Variants in CD300E observed in about 807,000 individuals in gnomAD.
The protein encoded by CD300E is CMRF35-like molecule 2.
A neutral mutation model predicts 20.9 loss-of-function variants in CD300E; 14 were observed. The observed-to-expected ratio is 0.67, with a 90% confidence interval of 0.44 to 1.05. The LOEUF (loss-of-function observed/expected upper bound fraction) is 1.05. Among genes scored for constraint, CD300E ranks in the 50% least tolerant of loss-of-function variants. The pLI, the probability that CD300E is intolerant of heterozygous loss-of-function variation, is 0.00. For synonymous variants in CD300E, 102 were observed against 103.7 expected (o/e 0.98, Z 0.10); for missense variants, 237 against 253.9 (o/e 0.93, Z 0.45).
At chr17:74,623,539 GCC>G in intron 1 of CD300E, 41 bp downstream of exon 1, 5 of 1,606,748 alleles carry the variant, frequency 3.1e-6, no homozygotes, top group Non-Finnish European at 4.3e-6. Flanking sequence ...CTACTGTCCT[GCC>G]CCCTGCAAAA....
At chr17:74,616,091 G>T (rs558764950) in intron 2 of CD300E, among the ~76,000 whole-genome samples, 23 of 152,092 alleles carry the variant, frequency 1.5e-4, no homozygotes, top group Non-Finnish European at 1.3e-4. Context: ...CTCAATAAAA[G>T]AAAAAAGAAA....
At chr17:74,621,303 G>C (rs2031016698) in intron 1 of CD300E, among the ~76,000 whole-genome samples, 1 of 152,168 alleles carries the variant, frequency 6.6e-6, no homozygotes, top group African/African-American at 2.4e-5. Context: ...CTAGTTCATG[G>C]ATTGGCCAGT....
In CD300E at chr17:74,612,018, A is replaced by T. The variant is rs1434476519; in HGVS notation, c.*635T>A. 5 of 152,346 alleles carry T rather than the reference A, an allele frequency of 3.3e-5. No homozygotes were observed. The highest frequency in any genetic ancestry group is 7.3e-5 in the Non-Finnish European group (5 of 68,162). 9.4% of individuals were successfully genotyped at this position (152,346 alleles called of 1,614,324 possible). On this transcript the variant is annotated 3_prime_UTR_variant, in exon 4 of 4. Transcript: ENST00000392619. ...AGCTCCCTTGGGGTTGTCCCAGAGA[A>T]GAGATGGAGCTCTGTGAGCCTAAAG...
Position 74,617,339 on chromosome 17 carries a change from G to A in CD300E, c.167C>T (p.Thr56Met), listed in dbSNP as rs780393497. Residue 56 changes from threonine (T) to methionine (M), a missense_variant, in exon 2 of 4, where the codon ACG becomes ATG. By Grantham distance (81) the Thr-to-Met change is moderately conservative (BLOSUM62 -1). Coordinates refer to ENST00000392619, the MANE Select transcript of CD300E (RefSeq NM_181449.3). ...GGTCTCCACAATGCTCTCACATGAC[G>A]TGTCGTACTGTCCTCGGCACCAGTA... Reference protein sequence around the residue: ...NKYWCRGQYDTSCESIVETKG... With the variant: ...NKYWCRGQYDMSCESIVETKG... The A allele has an allele frequency of 1.7e-5, 27 of 1,614,006 alleles. No individual in the cohort carries two copies. In the Admixed American group the frequency reaches 2.5e-4, roughly 15 times the overall value.
At chr17:74,613,534 C>A (rs8075293) in intron 3 of CD300E, among the ~76,000 whole-genome samples, 47,865 of 152,070 alleles carry the variant, frequency 0.31, 8,643 homozygotes, top group Non-Finnish European at 0.41. Flanking sequence ...GCTGGCCCAT[C>A]TCCCCACAGA....
Position 74,612,689 on chromosome 17 carries a change from C to G in CD300E, c.582G>C (p.Trp194Cys). The change falls in exon 4 of 4, where the codon TGG becomes TGC. Residue 194 changes from tryptophan to cysteine, a missense_variant. By Grantham distance (215) the Trp-to-Cys change is radical. Transcript: ENST00000392619. Reference sequence around the variant, plus strand: ...GAGGAGCCCACTGAGGCCTGTTCACCCAGAAGACAGCACCCAGCATGCTCA... The same window carrying G: ...GAGGAGCCCACTGAGGCCTGTTCACGCAGAAGACAGCACCCAGCATGCTCA... Reference protein sequence around the residue: ...LLLSMLGAVFWVNRPQWAPPG... With the variant: ...LLLSMLGAVFCVNRPQWAPPG... The G allele has an allele frequency of 6.2e-7, 1 of 1,613,884 alleles. No individual in the cohort carries two copies. Among genetic ancestry groups the G allele is most frequent in the Non-Finnish European group, 8.5e-7 (1 of 1,179,980 alleles).
chr17:74,614,221 T>C (rs537891672), intron 2 of CD300E, among the ~76,000 whole-genome samples, 188 bp from the exon 3 acceptor site: 1 of 152,094 alleles, frequency 6.6e-6, no homozygotes, highest in African/African-American at 2.4e-5. Flanking sequence ...GAACCAGCCA[T>C]GAGAGTCCCC....
At position 74,612,525 on chromosome 17, in the gene CD300E, C is replaced by G. The variant is rs1044553038; in HGVS notation, c.*128G>C. On this transcript the variant is annotated 3_prime_UTR_variant, in exon 4 of 4. Coordinates refer to ENST00000392619, the MANE Select transcript of CD300E (RefSeq NM_181449.3). ...GTGTCCTCTAAGAGCCAGGACCCTCCTTTGAGGCACAGGAACAATAAATCC... is the reference window on the plus strand; with the variant it reads ...GTGTCCTCTAAGAGCCAGGACCCTCGTTTGAGGCACAGGAACAATAAATCC... 4.4e-6 allele frequency: 6 copies of G among 1,352,094 alleles called. No homozygotes were observed. Among genetic ancestry groups the G allele is most frequent in the African/African-American group, 2.9e-5 (2 of 68,664 alleles). The allele number at this position is 1,352,094 out of a possible 1,614,324, so 83.8% of individuals were successfully genotyped here. A position where few individuals can be genotyped will look rare whatever the true frequency, so the allele number is the denominator to read the frequency against.
At chr17:74,622,658 C>T (rs1021893978) in intron 1 of CD300E, among the ~76,000 whole-genome samples, 2 of 152,080 alleles carry the variant, frequency 1.3e-5, no homozygotes, top group East Asian at 3.8e-4. Context: ...TTCTGAAGTC[C>T]AACCTTTGCA....
At chr17:74,617,647 C>A (rs2030933760) in intron 1 of CD300E, among the ~76,000 whole-genome samples, 182 bp from the exon 2 acceptor site, 1 of 152,114 alleles carries the variant, frequency 6.6e-6, no homozygotes, top group African/African-American at 2.4e-5. Flanking sequence ...AAACCTGTCC[C>A]CTGTGAGAGC....
At chr17:74,617,521 C>T (rs1416336858) in intron 1 of CD300E, 56 bp from the exon 2 acceptor site, 10 of 1,459,868 alleles carry the variant, frequency 6.8e-6, no homozygotes, top group African/African-American at 4.2e-5. Context: ...CATCAGCAGC[C>T]GTCTGTCTGA....
In CD300E at chr17:74,610,044, T is replaced by C. The variant is rs1381768358; in HGVS notation, c.*2609A>G. Reference sequence around the variant, plus strand: ...CTGCTGTCTGCCATCTGTCTACTCTTTCTTAACTCTTCTCTTCTGGCTTCT... The same window carrying C: ...CTGCTGTCTGCCATCTGTCTACTCTCTCTTAACTCTTCTCTTCTGGCTTCT... On this transcript the variant is annotated 3_prime_UTR_variant, in exon 4 of 4. Transcript: ENST00000392619. 6.6e-6 allele frequency: 1 copy of C among 152,318 alleles called. No homozygotes were observed. The highest frequency in any genetic ancestry group is 1.5e-5 in the Non-Finnish European group (1 of 68,048). 9.4% of individuals were successfully genotyped at this position (152,318 alleles called of 1,614,324 possible).
At position 74,613,981 on chromosome 17, in the gene CD300E, C is replaced by T; in HGVS notation, c.441G>A (p.Leu147=). The T allele has an allele frequency of 6.2e-7, 1 of 1,614,036 alleles. No homozygotes were observed. Among genetic ancestry groups the T allele is most frequent in the Non-Finnish European group, 8.5e-7 (1 of 1,179,968 alleles). ...TGAGGTTTCGCCCAGGGTTCACCAC[C>T]AGGAAGATGGGAGGTGTGGCTGGAT... ...TTHPATPPIF[L]VVNPGRNLST... Residue 147 remains leucine (L), a synonymous_variant, in exon 3 of 4, where the codon CTG becomes CTA. Transcript: ENST00000392619.
intron 1 of CD300E, among the ~76,000 whole-genome samples, chr17:74,620,114 G>A (rs373973386): frequency 5.9e-5 from 9 of 152,210 alleles, no homozygotes; most frequent in Admixed American, 2.0e-4. Flanking sequence ...CGAGGCAGGC[G>A]GATCACAAGG....
chr17:74,618,999 C>T, intron 1 of CD300E: 1 of 454,244 alleles, frequency 2.2e-6, no homozygotes, highest in Non-Finnish European at 4.6e-6. Flanking sequence ...CAGGAATCTT[C>T]CCATTCCCAA....
At chr17:74,620,183 A>G (rs1318780369) in intron 1 of CD300E, among the ~76,000 whole-genome samples, 1 of 152,184 alleles carries the variant, frequency 6.6e-6, no homozygotes, top group African/African-American at 2.4e-5. Flanking sequence ...CTAAAAATAC[A>G]AAAATTGGCC....
chr17:74,615,280 T>C (rs1202987812), intron 2 of CD300E, among the ~76,000 whole-genome samples: 1 of 151,548 alleles, frequency 6.6e-6, no homozygotes, highest in East Asian at 1.9e-4. Flanking sequence ...GGAGATGGTG[T>C]GGATAGCTAA....
At chr17:74,620,816 C>A (rs145740599) in intron 1 of CD300E, among the ~76,000 whole-genome samples, 1 of 151,978 alleles carries the variant, frequency 6.6e-6, no homozygotes, top group Admixed American at 6.6e-5. Context: ...AAGATAAAGG[C>A]CAAGGTGAGC....
chr17:74,617,796 T>C (rs2030938201), intron 1 of CD300E, among the ~76,000 whole-genome samples: 1 of 152,168 alleles, frequency 6.6e-6, no homozygotes, highest in African/African-American at 2.4e-5. Context: ...ATATACAAGA[T>C]CACTTCCCTT....
Sources: allele counts gnomAD v4.1 joint callset (sites outside exome capture counted in the v4.1 genomes callset), GRCh38; gene constraint gnomAD v4.1.1; transcripts MANE v1.5; gene names NCBI Gene and HGNC (gene_info 2026-07-23, HGNC 2026-07-21).